Variants in RNF4 observed in about 807,000 individuals in gnomAD.
RNF4 encodes the protein E3 ubiquitin-protein ligase RNF4.
A neutral mutation model predicts 24.3 loss-of-function variants in RNF4; 7 were observed. The observed-to-expected ratio is 0.29, with a 90% CI of 0.16 to 0.54. The LOEUF is 0.54. Among genes scored for constraint, RNF4 ranks in the 20% least tolerant of loss-of-function variants. The pLI, the probability that RNF4 is intolerant of heterozygous loss-of-function variation, is 0.95. For missense variants in RNF4, 209 were observed against 248.5 expected (o/e 0.84, Z 1.07); for synonymous variants, 83 against 84.3 (o/e 0.98, Z 0.09).
intron 4 of RNF4, among the ~76,000 whole-genome samples, chr4:2,503,620 A>T (rs956683848): frequency 4.6e-5 from 7 of 152,190 alleles, no homozygotes; most frequent in Non-Finnish European, 1.0e-4. Context: ...CCAGTTTATG[A>T]ATTTACACTG....
Position 2,510,517 on chromosome 4 carries a change from C to T in RNF4, c.205-1439C>T, listed in dbSNP as rs573795579. On this transcript the variant is annotated intron_variant, in intron 4 of 7. Coordinates refer to ENST00000314289, the MANE Select transcript of RNF4 (RefSeq NM_002938.5). ...TTTCTTCAGGATGCAGCTGTGCCTG[C>T]CAGTGCCAACACCCTCAGCAGCTCA... 2.6e-5 allele frequency among the ~76,000 whole-genome samples: 4 copies of T among 152,332 alleles called. 1 individual carries two copies. In the East Asian group the frequency reaches 7.7e-4, roughly 29 times the overall value.
At chr4:2,500,348 G>A (rs1735871759) in intron 3 of RNF4, among the ~76,000 whole-genome samples, 1 of 152,090 alleles carries the variant, frequency 6.6e-6, no homozygotes, top group Non-Finnish European at 1.5e-5. Flanking sequence ...CTCCCAGATG[G>A]GGCACAGAGG....
At chr4:2,478,546 T>G (rs998925662) in intron 1 of RNF4, among the ~76,000 whole-genome samples, 1 of 152,202 alleles carries the variant, frequency 6.6e-6, no homozygotes, top group African/African-American at 2.4e-5. Flanking sequence ...GTTCCAGCCG[T>G]CTCAGCTGTG....
chr4:2,513,850 GGACA>G lies in RNF4; in HGVS notation c.*41_*44del, dbSNP rs769809942. ...TCAGAGCCCCCCAGGAGAGACGGAT[GGACA>G]GACAGACAGCCAGGTTCTCCAGTGG... On this transcript the variant is annotated 3_prime_UTR_variant, in exon 8 of 8. Transcript: ENST00000314289. 289 of 1,612,726 alleles carry G rather than the reference GGACA, an allele frequency of 1.8e-4. 1 individual carries two copies. Among genetic ancestry groups the G allele is most frequent in the Admixed American group, 3.2e-4 (19 of 59,962 alleles).
At chr4:2,508,911 C>CTTTTTTTTT (rs66571775) in intron 4 of RNF4, among the ~76,000 whole-genome samples, 2 of 62,644 alleles carry the variant, frequency 3.2e-5, no homozygotes, top group African/African-American at 7.0e-5. Context: ...TGCCCCAGGC[C>CTTTTTTTTT]TTTTTTTTTT....
At chr4:2,497,576 T>A (rs1036276041) in intron 3 of RNF4, among the ~76,000 whole-genome samples, 1 of 152,176 alleles carries the variant, frequency 6.6e-6, no homozygotes, top group African/African-American at 2.4e-5. Context: ...CTGGCCTAAG[T>A]CCCTTTGCTC....
intron 1 of RNF4, among the ~76,000 whole-genome samples, chr4:2,479,686 T>C (rs1735190121): frequency 6.6e-6 from 1 of 152,144 alleles, no homozygotes; most frequent in African/African-American, 2.4e-5. Context: ...CTTTTGTAAA[T>C]TGGCCAGTCT....
intron 3 of RNF4, among the ~76,000 whole-genome samples, chr4:2,500,156 C>CAAA (rs5855735): frequency 1.4e-4 from 11 of 77,128 alleles, no homozygotes; most frequent in Non-Finnish European, 2.2e-4. Context: ...GACTCTGTCT[C>CAAA]AAAAAAAAAA....
chr4:2,511,833 C>G lies in RNF4; in HGVS notation c.205-123C>G, dbSNP rs1032695188. 27 of 982,478 alleles carry G rather than the reference C, an allele frequency of 2.7e-5. 1 individual carries two copies. In the South Asian group the frequency reaches 4.0e-4, roughly 15 times the overall value. 60.9% of individuals were successfully genotyped at this position (982,478 alleles called of 1,614,324 possible). ...TGTGGGTGGGAGGAGGGTGGGGCCT[C>G]TGCTGCTCACCAGAGGGTTCCACAG... On this transcript the variant is annotated intron_variant, in intron 4 of 7. Transcript: ENST00000314289.
At chr4:2,490,946 G>T (rs546360188) in intron 2 of RNF4, 3 of 158,450 alleles carry the variant, frequency 1.9e-5, no homozygotes, top group African/African-American at 7.2e-5. Flanking sequence ...AATGTAGCCA[G>T]GCGTGGTGGG....
chr4:2,471,748 C>G (rs1323054636), intron 1 of RNF4, among the ~76,000 whole-genome samples: 1 of 152,196 alleles, frequency 6.6e-6, no homozygotes, highest in Non-Finnish European at 1.5e-5. Flanking sequence ...ATCAAACCAT[C>G]CATGACATTC....
At chr4:2,507,156 C>T (rs1332897482) in intron 4 of RNF4, among the ~76,000 whole-genome samples, 1 of 144,558 alleles carries the variant, frequency 6.9e-6, no homozygotes, top group Non-Finnish European at 1.5e-5. Context: ...TTATGAGACT[C>T]TGTAGAAAGG....
intron 7 of RNF4, 64 bp from the exon 8 acceptor site, chr4:2,513,606 C>T (rs1736329571): frequency 1.3e-6 from 2 of 1,596,016 alleles, no homozygotes; most frequent in Non-Finnish European, 1.7e-6. Context: ...GTGGGATTCT[C>T]TGGCCCCATG....
rs772825848 is a variant in RNF4, at chr4:2,492,424, G to T, written c.9+1922G>T. Among the ~76,000 whole-genome samples the T allele has an allele frequency of 3.3e-4, 50 of 152,178 alleles. 1 individual carries two copies. The highest frequency in any genetic ancestry group is 6.3e-4 in the Non-Finnish European group (43 of 68,030). On this transcript the variant is annotated intron_variant, in intron 2 of 7. Coordinates refer to ENST00000314289, the MANE Select transcript of RNF4 (RefSeq NM_002938.5). ...GAGCTCTCGAGGAGATTACCTGAAG[G>T]TCCCCCTGTCCCAGTTTATTCTCTA...
chr4:2,513,044 C>T lies in RNF4; in HGVS notation c.375-39C>T, dbSNP rs149680384. 4.5e-3 allele frequency: 7,153 copies of T among 1,598,608 alleles called. 24 individuals carry two copies. The highest frequency in any genetic ancestry group is 5.7e-3 in the Non-Finnish European group (6,648 of 1,166,048). On this transcript the variant is annotated intron_variant, in intron 6 of 7. Coordinates refer to ENST00000314289, the MANE Select transcript of RNF4 (RefSeq NM_002938.5). ...GTGACAGGGTATAATAAAATGTTTG[C>T]GTTGACTGAGAAACTAACGTGAAGC...
chr4:2,506,734 A>AT (rs1157923719), intron 4 of RNF4, among the ~76,000 whole-genome samples: 2 of 151,738 alleles, frequency 1.3e-5, no homozygotes, highest in African/African-American at 4.8e-5. Context: ...TCCCTGGCTG[A>AT]TTTTTTATAT....
chr4:2,501,179 C>A (rs1735898976), intron 4 of RNF4, among the ~76,000 whole-genome samples: 1 of 152,210 alleles, frequency 6.6e-6, no homozygotes, highest in African/African-American at 2.4e-5. Context: ...TCACTCATGT[C>A]AGCAGGGCAT....
chr4:2,477,517 G>A (rs1735115157), intron 1 of RNF4, among the ~76,000 whole-genome samples: 1 of 152,026 alleles, frequency 6.6e-6, no homozygotes, highest in African/African-American at 2.4e-5. Context: ...CCCAGGAGGT[G>A]GAGATTACAG....
Position 2,492,116 on chromosome 4 carries a change from A to G in RNF4, c.9+1614A>G, listed in dbSNP as rs186321415. Among the ~76,000 whole-genome samples the G allele has an allele frequency of 3.0e-3, 448 of 151,842 alleles. 1 individual carries two copies. Among genetic ancestry groups the G allele is most frequent in the African/African-American group, 0.01 (427 of 41,454 alleles). Reference sequence around the variant, plus strand: ...CAGGAGGCTGAGGCAGGAGAATGGCATGAACCTGGGAGGCGGAGCTTGCAG... The same window carrying G: ...CAGGAGGCTGAGGCAGGAGAATGGCGTGAACCTGGGAGGCGGAGCTTGCAG... On this transcript the variant is annotated intron_variant, in intron 2 of 7. Coordinates refer to ENST00000314289, the MANE Select transcript of RNF4 (RefSeq NM_002938.5).
Sources: allele counts gnomAD v4.1 joint callset (sites outside exome capture counted in the v4.1 genomes callset), GRCh38; gene constraint gnomAD v4.1.1; transcripts MANE v1.5; gene names NCBI Gene and HGNC (gene_info 2026-07-23, HGNC 2026-07-21).